Variants in CACUL1 observed in about 807,000 individuals in gnomAD.
The protein encoded by CACUL1 is CDK2-associated and cullin domain-containing protein 1.
In CACUL1, 13 loss-of-function variants were observed where a neutral mutation model predicts 45.2. The ratio of observed to expected loss-of-function variants is 0.29; its 90% CI spans 0.19 to 0.46. CACUL1 has a LOEUF of 0.46. CACUL1 is among the 20% of genes least tolerant of loss of function. The pLI, the probability that CACUL1 is intolerant of heterozygous loss-of-function variation, is 1.00. For missense variants in CACUL1, 421 were observed against 471.4 expected (o/e 0.89, Z 0.99); for synonymous variants, 197 against 174.2 (o/e 1.13, Z -1.03).
At chr10:118,703,246 CT>C (rs201418458) in intron 4 of CACUL1, among the ~76,000 whole-genome samples, 34 of 148,564 alleles carry the variant, frequency 2.3e-4, no homozygotes, top group Admixed American at 1.2e-3. Flanking sequence ...CCATTCTACA[CT>C]GGGAAAACTT....
At chr10:118,700,609 C>T (rs912345547) in intron 5 of CACUL1, among the ~76,000 whole-genome samples, 3 of 150,906 alleles carry the variant, frequency 2.0e-5, no homozygotes, top group Non-Finnish European at 2.9e-5. Flanking sequence ...CCCAGCTACT[C>T]GGGAGGCTGA....
intron 3 of CACUL1, among the ~76,000 whole-genome samples, chr10:118,710,728 G>A (rs932056334): frequency 4.6e-5 from 7 of 152,132 alleles, no homozygotes; most frequent in Admixed American, 6.5e-5. Flanking sequence ...TATATCTCCG[G>A]TGCTGACCAC....
intron 3 of CACUL1, among the ~76,000 whole-genome samples, chr10:118,722,257 A>T (rs952442950): frequency 6.8e-6 from 1 of 146,824 alleles, no homozygotes; most frequent in African/African-American, 2.5e-5. Flanking sequence ...CTAATTTTGT[A>T]TTTTTTTTTT....
intron 7 of CACUL1, among the ~76,000 whole-genome samples, chr10:118,689,364 T>C (rs1370406472): frequency 6.6e-6 from 1 of 152,200 alleles, no homozygotes; most frequent in Admixed American, 6.5e-5. Flanking sequence ...GTCAGAATAC[T>C]TTTATGAGGC....
chr10:118,742,107 G>C, intron 1 of CACUL1, among the ~76,000 whole-genome samples: 1 of 152,100 alleles, frequency 6.6e-6, no homozygotes, highest in South Asian at 2.1e-4. Context: ...ACATTCAACT[G>C]TGTCTCTTCA....
rs1205220632 is a variant in CACUL1, at chr10:118,754,577, C to T, written c.186G>A (p.Ala62=). The T allele has an allele frequency of 3.7e-6, 6 of 1,609,454 alleles. No homozygotes were observed. Among genetic ancestry groups the T allele is most frequent in the South Asian group, 1.1e-5 (1 of 90,808 alleles). ...TGGGGCCTTTCCTGTCCACGGAGAC[C>T]GCGGGCACCGCCAGCAGCTGCCCCC... is the stretch of plus-strand genomic sequence containing the variant. ...PPGGQLLAVP[A]VSVDRKGPKE... The change falls in exon 1 of 9, where the codon GCG becomes GCA. Residue 62 remains alanine, a synonymous_variant. Transcript: ENST00000369151.
chr10:118,731,113 T>C (rs953692990), intron 1 of CACUL1, among the ~76,000 whole-genome samples: 1 of 152,150 alleles, frequency 6.6e-6, no homozygotes, highest in Non-Finnish European at 1.5e-5. Context: ...ATTTGTACAG[T>C]GGATCCTAAC....
chr10:118,723,376 A>T (rs1845619393), intron 3 of CACUL1, among the ~76,000 whole-genome samples: 1 of 152,146 alleles, frequency 6.6e-6, no homozygotes, highest in Admixed American at 6.6e-5. Context: ...CTTCAAACTT[A>T]CACATTATTG....
intron 3 of CACUL1, among the ~76,000 whole-genome samples, chr10:118,719,378 C>T (rs1156324817): frequency 6.6e-6 from 1 of 152,088 alleles, no homozygotes; most frequent in African/African-American, 2.4e-5. Context: ...ATAGCAAAAA[C>T]TACTAATGGG....
chr10:118,748,440 A>G (rs926330491), intron 1 of CACUL1, among the ~76,000 whole-genome samples: 1 of 152,132 alleles, frequency 6.6e-6, no homozygotes, highest in Non-Finnish European at 1.5e-5. Flanking sequence ...ACTTGGGGGA[A>G]GGGGAAACTA....
chr10:118,718,610 C>A (rs1007360383), intron 3 of CACUL1, among the ~76,000 whole-genome samples: 1 of 152,186 alleles, frequency 6.6e-6, no homozygotes, highest in Non-Finnish European at 1.5e-5. Context: ...GAGTCTCGCT[C>A]TGTTGCCCAG....
chr10:118,740,135 G>C (rs1204835871), intron 1 of CACUL1, among the ~76,000 whole-genome samples: 1 of 148,136 alleles, frequency 6.8e-6, no homozygotes, highest in South Asian at 2.2e-4. Context: ...CGACAGAGCG[G>C]GACTCTGTCT....
rs1384903081 is a variant in CACUL1, at chr10:118,679,044, T to C, written c.*7084A>G. The C allele has an allele frequency of 6.6e-6, 1 of 152,228 alleles. No homozygotes were observed. The highest frequency in any genetic ancestry group is 2.4e-5 in the African/African-American group (1 of 41,452). 9.4% of individuals were successfully genotyped at this position (152,228 alleles called of 1,614,324 possible). On this transcript the variant is annotated 3_prime_UTR_variant, in exon 9 of 9. Transcript: ENST00000369151. Reference sequence around the variant, plus strand: ...TGTAGTTTTCTTTTAACTTTTTAAATATTTTTCTCGACAGGGTCTCACTCT... The same window carrying C: ...TGTAGTTTTCTTTTAACTTTTTAAACATTTTTCTCGACAGGGTCTCACTCT...
chr10:118,691,612 A>C, intron 6 of CACUL1: 1 of 445,354 alleles, frequency 2.2e-6, no homozygotes, highest in Non-Finnish European at 4.1e-6. Flanking sequence ...TCACACCTGT[A>C]ATCCTAGCAC....
chr10:118,690,743 A>G (rs1456353325), intron 7 of CACUL1, among the ~76,000 whole-genome samples: 1 of 152,144 alleles, frequency 6.6e-6, no homozygotes, highest in East Asian at 1.9e-4. Flanking sequence ...CCAGTGGGAA[A>G]TCCCTTCTTC....
intron 3 of CACUL1, among the ~76,000 whole-genome samples, chr10:118,715,298 G>A (rs1032400541): frequency 6.6e-6 from 1 of 152,188 alleles, no homozygotes; most frequent in Non-Finnish European, 1.5e-5. Flanking sequence ...CACCTTCACA[G>A]AAGGGAAGGG....
intron 3 of CACUL1, among the ~76,000 whole-genome samples, chr10:118,719,109 C>T (rs1243862445): frequency 6.6e-6 from 1 of 152,076 alleles, no homozygotes; most frequent in South Asian, 2.1e-4. Flanking sequence ...GTAGAAAAGG[C>T]AGATAACATG....
chr10:118,715,842 T>G (rs899710720), intron 3 of CACUL1, among the ~76,000 whole-genome samples: 25 of 152,198 alleles, frequency 1.6e-4, no homozygotes. Flanking sequence ...CAAGAAGGGA[T>G]GGAAGAGAAG....
intron 1 of CACUL1, among the ~76,000 whole-genome samples, chr10:118,739,349 CAGAGAA>C (rs1214322080): frequency 6.6e-6 from 1 of 151,620 alleles, no homozygotes; most frequent in Non-Finnish European, 1.5e-5. Flanking sequence ...GAAAACAGAA[CAGAGAA>C]AATGTAAAGG....
Sources: allele counts gnomAD v4.1 joint callset (sites outside exome capture counted in the v4.1 genomes callset), GRCh38; gene constraint gnomAD v4.1.1; transcripts MANE v1.5; gene names NCBI Gene and HGNC (gene_info 2026-07-23, HGNC 2026-07-21).